SLC9C2: variants seen among roughly 807,000 people sequenced by gnomAD.
SLC9C2 encodes the protein sodium/hydrogen exchanger 11.
In SLC9C2, 75 loss-of-function variants were observed where a neutral mutation model predicts 140.2. The ratio of observed to expected loss-of-function variants is 0.53; its 90% CI spans 0.44 to 0.65. The LOEUF (loss-of-function observed/expected upper bound fraction) is 0.65, where lower values mean the gene tolerates loss of function less well. SLC9C2 is among the 30% of genes least tolerant of loss of function. SLC9C2 has a pLI of 0.00. For synonymous variants in SLC9C2, 375 were observed against 420.9 expected (o/e 0.89, Z 1.34); for missense variants, 1,074 against 1,331.8 (o/e 0.81, Z 3.01).
intron 23 of SLC9C2, among the ~76,000 whole-genome samples, chr1:173,516,009 T>C (rs924171767): frequency 1.3e-5 from 2 of 152,196 alleles, no homozygotes; most frequent in African/African-American, 2.4e-5. Context: ...TCGAGGAGGC[T>C]GGAGAACAGC....
chr1:173,599,152 T>C (rs1360712799), intron 3 of SLC9C2, among the ~76,000 whole-genome samples: 4 of 151,896 alleles, frequency 2.6e-5, no homozygotes, highest in Admixed American at 6.5e-5. Context: ...GGAGTCTCGC[T>C]CTGTCACCCA....
chr1:173,582,972 A>G (rs146940610), intron 6 of SLC9C2, among the ~76,000 whole-genome samples: 48 of 152,342 alleles, frequency 3.2e-4, no homozygotes, highest in African/African-American at 1.0e-3. Flanking sequence ...GTGTGCACAC[A>G]TGCATTTATG....
rs370566828 is a variant in SLC9C2 at position 173,524,037 on chromosome 1, T to C, written c.2572A>G (p.Thr858Ala). The C allele has an allele frequency of 1.9e-6, 3 of 1,613,420 alleles. No homozygotes were observed. The highest frequency in any genetic ancestry group is 3.3e-5 in the Admixed American group (2 of 59,896). ...ATGTTGTGAAGGTATATGTCAGGAG[T>C]TGGGGGTGGGATTGCCTTTGGAAAG... The part of the protein sequence containing the change: ...NNFPKAIPPP[T>A]PDIYLHNIIW... The change falls in exon 21 of 28, where the codon ACT (threonine) becomes GCT (alanine). Residue 858 changes from threonine (T) to alanine (A), a missense_variant. Physicochemically the swap from Thr to Ala is moderately conservative, Grantham distance 58 (BLOSUM62 0). Coordinates refer to ENST00000367714, the MANE Select transcript of SLC9C2 (RefSeq NM_178527.4).
chr1:173,568,548 G>T (rs1198679365), intron 9 of SLC9C2, among the ~76,000 whole-genome samples: 1 of 152,168 alleles, frequency 6.6e-6, no homozygotes, highest in Non-Finnish European at 1.5e-5. Flanking sequence ...CATTTAGGTT[G>T]ATTCCATGCC....
At chr1:173,535,707 A>T in intron 15 of SLC9C2, 123 bp downstream of exon 15, 1 of 1,170,200 alleles carries the variant, frequency 8.5e-7, no homozygotes, top group South Asian at 1.6e-5. Flanking sequence ...GCACCACCCA[A>T]TCAGTGAAAA....
chr1:173,573,238 A>G lies in SLC9C2; in HGVS notation c.990T>C (p.Tyr330=). Residue 330 remains tyrosine (Y), a synonymous_variant, in exon 9 of 28, where the codon TAT becomes TAC. Coordinates refer to ENST00000367714, the MANE Select transcript of SLC9C2 (RefSeq NM_178527.4). The part of the protein sequence containing the change: ...IVIGCGELSH[Y]EFHTIPFIFI... Reference sequence around the variant, plus strand: ...ATATGAAAGGTATAGTGTGAAATTCATAGTGGCTGAGTTCTCCACATCCAA... The same window carrying G: ...ATATGAAAGGTATAGTGTGAAATTCGTAGTGGCTGAGTTCTCCACATCCAA... The G allele has an allele frequency of 6.3e-7, 1 of 1,585,826 alleles. No homozygotes were observed. The highest frequency in any genetic ancestry group is 8.7e-7 in the Non-Finnish European group (1 of 1,155,384).
At chr1:173,514,414 C>T (rs1188892387) in intron 23 of SLC9C2, among the ~76,000 whole-genome samples, 1 of 152,058 alleles carries the variant, frequency 6.6e-6, no homozygotes, top group Admixed American at 6.6e-5. Flanking sequence ...ATGTAATGCC[C>T]TTATTTGTCT....
In SLC9C2 at chr1:173,529,887, C is replaced by G. The variant is rs377107286; in HGVS notation, c.2313+18G>C. 6.3e-7 allele frequency: 1 copy of G among 1,597,196 alleles called. No homozygotes were observed. Among genetic ancestry groups the G allele is most frequent in the East Asian group, 2.2e-5 (1 of 44,776 alleles). On this transcript the variant is annotated intron_variant, in intron 18 of 27. Coordinates refer to ENST00000367714, the MANE Select transcript of SLC9C2 (RefSeq NM_178527.4). The stretch of plus-strand genomic sequence containing the variant: ...CTAAGGGGTTTTTCTCCCCAAATGA[C>G]CAGTGCTTGTTTCTCACCTGATATA...
intron 9 of SLC9C2, among the ~76,000 whole-genome samples, chr1:173,565,026 G>C (rs1429621471): frequency 7.2e-6 from 1 of 138,796 alleles, no homozygotes. Flanking sequence ...GGAGTGCAGT[G>C]GTGCAAACTC....
intron 21 of SLC9C2, among the ~76,000 whole-genome samples, chr1:173,523,661 T>TA (rs1660987323): frequency 6.6e-6 from 1 of 152,202 alleles, no homozygotes; most frequent in African/African-American, 2.4e-5. Flanking sequence ...ACCCTTGCTC[T>TA]AAAAAATGTC....
chr1:173,569,934 A>T (rs1437306347), intron 9 of SLC9C2, among the ~76,000 whole-genome samples: 3 of 152,048 alleles, frequency 2.0e-5, no homozygotes, highest in African/African-American at 7.2e-5. Context: ...GCCTCTCCCT[A>T]TGGCCACCAC....
chr1:173,576,853 C>A, intron 7 of SLC9C2, 93 bp from the exon 8 acceptor site: 1 of 825,340 alleles, frequency 1.2e-6, no homozygotes, highest in South Asian at 1.8e-5. Flanking sequence ...TGGTGGGAAT[C>A]TTAAGAGAAG....
chr1:173,540,574 G>A (rs897454937), intron 13 of SLC9C2, among the ~76,000 whole-genome samples: 1 of 152,170 alleles, frequency 6.6e-6, no homozygotes. Flanking sequence ...GAGGCTGGAG[G>A]GAGGCAGCCA....
intron 9 of SLC9C2, among the ~76,000 whole-genome samples, chr1:173,560,972 T>C (rs561348472): frequency 2.0e-4 from 30 of 152,050 alleles, no homozygotes; most frequent in African/African-American, 6.5e-4. Flanking sequence ...AATCTTTGTA[T>C]TTTAGTAGAA....
intron 14 of SLC9C2, among the ~76,000 whole-genome samples, chr1:173,536,386 G>A (rs1000229822): frequency 1.3e-5 from 2 of 152,146 alleles, no homozygotes; most frequent in Admixed American, 1.3e-4. Flanking sequence ...CCACAGCTTT[G>A]TGTTAGATCA....
At chr1:173,559,700 T>C (rs1446245338) in intron 9 of SLC9C2, among the ~76,000 whole-genome samples, 2 of 152,250 alleles carry the variant, frequency 1.3e-5, no homozygotes, top group African/African-American at 2.4e-5. Flanking sequence ...ATTCCTTCCA[T>C]GTCAGAAACA....
At chr1:173,504,323 C>T (rs1659479129) in intron 26 of SLC9C2, among the ~76,000 whole-genome samples, 1 of 152,152 alleles carries the variant, frequency 6.6e-6, no homozygotes, top group South Asian at 2.1e-4. Flanking sequence ...TGAAGGCAAA[C>T]ACCTTATCTG....
At chr1:173,565,024 G>T (rs1664383039) in intron 9 of SLC9C2, among the ~76,000 whole-genome samples, 1 of 139,338 alleles carries the variant, frequency 7.2e-6, no homozygotes, top group South Asian at 2.3e-4. Context: ...CTGGAGTGCA[G>T]TGGTGCAAAC....
chr1:173,601,695 C>T lies in SLC9C2; in HGVS notation c.82G>A (p.Glu28Lys), dbSNP rs1218230334. The T allele has an allele frequency of 2.5e-6, 4 of 1,613,966 alleles. No individual in the cohort carries two copies. In the East Asian group the frequency reaches 8.9e-5, roughly 36 times the overall value. ...CGQPADYLVE[E>K]KHFTTLVCFI... The stretch of plus-strand genomic sequence containing the variant: ...CATACAAGCGTTGTGAAATGTTTCT[C>T]TTCAACAAGGTAGTCAGCTGGCTGC... The change falls in exon 2 of 28, where the codon GAG becomes AAG. Residue 28 changes from glutamate to lysine, a missense_variant. By Grantham distance (56) the Glu-to-Lys change is moderately conservative (BLOSUM62 1). Transcript: ENST00000367714.
Sources: allele counts gnomAD v4.1 joint callset (sites outside exome capture counted in the v4.1 genomes callset), GRCh38; gene constraint gnomAD v4.1.1; transcripts MANE v1.5; gene names NCBI Gene and HGNC (gene_info 2026-07-23, HGNC 2026-07-21).